NAV1: variants seen among roughly 807,000 people sequenced by gnomAD.
NAV1 encodes the protein neuron navigator 1.
NAV1 carries 18 observed loss-of-function variants against 175.2 expected under a neutral mutation model. The ratio of observed to expected loss-of-function variants is 0.10; its 90% CI spans 0.07 to 0.15. The LOEUF is 0.15. NAV1 is among the 10% of genes least tolerant of loss of function. The probability of loss-of-function intolerance (pLI) is 1.00; values close to 1 mark genes in which losing one functional copy is unlikely to be tolerated. For synonymous variants in NAV1, 897 were observed against 978.7 expected (o/e 0.92, Z 1.56); for missense variants, 1,731 against 2,436.6 (o/e 0.71, Z 6.10).
At chr1:201,737,229 T>A (rs1304348170) in intron 3 of NAV1, 1 of 152,258 alleles carries the variant, frequency 6.6e-6, no homozygotes, top group Non-Finnish European at 1.5e-5. Flanking sequence ...CTTATTTAAG[T>A]AGCAACGCTT....
chr1:201,693,754 G>A (rs773661179), intron 1 of NAV1, among the ~76,000 whole-genome samples: 2 of 152,126 alleles, frequency 1.3e-5, no homozygotes, highest in African/African-American at 2.4e-5. Flanking sequence ...GCCAGGCATC[G>A]GCCTGAATGG....
At position 201,539,839 on chromosome 1, in the gene NAV1, C is replaced by A. The variant is rs533921659; in HGVS notation, c.-144+497C>A. On this transcript the variant is annotated intron_variant, in intron 1 of 33. Transcript: ENST00000685211. The surrounding 1 kb of genome is among the most constrained non-coding windows in gnomAD (Gnocchi z 5.6). ...GGAACAGCTGGGGCAGGTGACCTCG[C>A]GGGCCGTTCCAGAAAACGTTCCCCG... is the stretch of plus-strand genomic sequence containing the variant. Among the ~76,000 whole-genome samples the A allele has an allele frequency of 6.6e-6, 1 of 152,254 alleles. No individual in the cohort carries two copies. The highest frequency in any genetic ancestry group is 1.9e-4 in the East Asian group (1 of 5,160).
intron 28 of NAV1, chr1:201,816,811 G>A (rs547560171): frequency 6.3e-4 from 229 of 361,336 alleles, no homozygotes; most frequent in South Asian, 5.9e-4. Flanking sequence ...ATATAGGCAC[G>A]CACCGCCATG....
At chr1:201,745,484 G>C (rs1017662147) in intron 3 of NAV1, among the ~76,000 whole-genome samples, 1 of 152,200 alleles carries the variant, frequency 6.6e-6, no homozygotes, top group African/African-American at 2.4e-5. Flanking sequence ...ACCCACCTCT[G>C]ATTTCCTGGG....
chr1:201,568,546 G>A (rs1044563183), intron 1 of NAV1, among the ~76,000 whole-genome samples: 40 of 152,232 alleles, frequency 2.6e-4, no homozygotes, highest in African/African-American at 9.6e-4. Flanking sequence ...CAAACATGCT[G>A]GCTGCCTAGT....
chr1:201,697,252 T>C (rs1251053810), intron 1 of NAV1, among the ~76,000 whole-genome samples: 1 of 152,084 alleles, frequency 6.6e-6, no homozygotes, highest in Non-Finnish European at 1.5e-5. Context: ...TCCCCAGTGG[T>C]GGGCAGTAGA....
At chr1:201,713,057 G>A (rs1462741947) in intron 2 of NAV1, 138 bp downstream of exon 6, 3 of 626,050 alleles carry the variant, frequency 4.8e-6, no homozygotes, top group Non-Finnish European at 8.8e-6. Context: ...CACTGCAGAA[G>A]GAGGAGGAAA....
upstream of NAV1, among the ~76,000 whole-genome samples, chr1:201,647,078 G>T (rs1212763903): frequency 1.3e-5 from 2 of 152,208 alleles, no homozygotes; most frequent in Non-Finnish European, 1.5e-5. Flanking sequence ...TCCCTAGAGT[G>T]TGGCTCCACC....
At chr1:201,670,997 C>T (rs892985863) in intron 1 of NAV1, among the ~76,000 whole-genome samples, 4 of 152,132 alleles carry the variant, frequency 2.6e-5, no homozygotes, top group African/African-American at 7.2e-5. Context: ...ATCCTATCTG[C>T]AACTTCAGAG....
intron 1 of NAV1, among the ~76,000 whole-genome samples, chr1:201,703,776 T>C (rs1237046013): frequency 6.6e-6 from 1 of 152,206 alleles, no homozygotes; most frequent in Non-Finnish European, 1.5e-5. Context: ...GGGGCTGCCC[T>C]GTGGTCACTG....
chr1:201,612,897 G>A (rs1667896406), intron 2 of NAV1, among the ~76,000 whole-genome samples: 1 of 152,052 alleles, frequency 6.6e-6, no homozygotes, highest in Non-Finnish European at 1.5e-5. Flanking sequence ...TCTGAGGGGT[G>A]CAGCAGTACG....
intron 1 of NAV1, among the ~76,000 whole-genome samples, chr1:201,569,056 T>TG (rs1666453574): frequency 6.6e-6 from 1 of 152,114 alleles, no homozygotes. Context: ...GGGAGAAGCG[T>TG]GTTTCCTTCC....
At chr1:201,738,980 G>A (rs528003507) in intron 3 of NAV1, among the ~76,000 whole-genome samples, 1 of 152,304 alleles carries the variant, frequency 6.6e-6, no homozygotes, top group African/African-American at 2.4e-5. Context: ...GAGGAAGCAA[G>A]GGTGAGGGCA....
chr1:201,638,207 A>G (rs78965147), intron 2 of NAV1, among the ~76,000 whole-genome samples: 1,961 of 152,290 alleles, frequency 0.013, 41 homozygotes, highest in African/African-American at 0.045. Context: ...AAGGCTTGAC[A>G]TTAGGGAAGT....
chr1:201,670,020 A>T (rs895443511), intron 1 of NAV1, among the ~76,000 whole-genome samples: 1 of 152,038 alleles, frequency 6.6e-6, no homozygotes, highest in Non-Finnish European at 1.5e-5. Flanking sequence ...TTGCCTAAAT[A>T]CAAAAGTTCC....
chr1:201,760,053 AG>A (rs1378326653), intron 3 of NAV1, among the ~76,000 whole-genome samples: 1 of 152,250 alleles, frequency 6.6e-6, no homozygotes. Flanking sequence ...AACTTAAACG[AG>A]GATGGGGCAT....
At chr1:201,730,230 A>G (rs1672794054) in intron 3 of NAV1, among the ~76,000 whole-genome samples, 1 of 152,186 alleles carries the variant, frequency 6.6e-6, no homozygotes, top group African/African-American at 2.4e-5. Flanking sequence ...CTAATATGGC[A>G]TTATCTTATT....
At chr1:201,585,960 G>C (rs545166955) in intron 1 of NAV1, among the ~76,000 whole-genome samples, 13 of 152,222 alleles carry the variant, frequency 8.5e-5, no homozygotes, top group Admixed American at 3.3e-4. Context: ...GCAATTCCAC[G>C]TCTCAGTAGA....
chr1:201,739,984 T>C (rs780392457), intron 3 of NAV1: 9 of 1,445,238 alleles, frequency 6.2e-6, no homozygotes, highest in Non-Finnish European at 6.4e-6. Context: ...TGGGGGGCGC[T>C]GGGTGCCCAC....
Sources: gnomAD v4.1 joint callset for allele counts (sites outside exome capture counted in the v4.1 genomes callset) on GRCh38, gnomAD v4.1.1 for gene constraint, Gnocchi (gnomAD v3.1) non-coding constraint, MANE v1.5 for transcripts, NCBI Gene and HGNC (gene_info 2026-07-23, HGNC 2026-07-21) for gene names.